Variants in TNIK observed in about 807,000 individuals in gnomAD.
The protein encoded by TNIK is TRAF2 and NCK-interacting protein kinase.
Under a neutral mutation model 191.3 loss-of-function variants are expected in TNIK, and 49 were observed. That is an observed-to-expected ratio of 0.26 (90% CI 0.20 to 0.32). TNIK has a LOEUF of 0.32. Ranked by LOEUF, TNIK falls within the 10% of genes least tolerant of loss-of-function variation. The pLI is 1.00. For synonymous variants in TNIK, 594 were observed against 600.9 expected (o/e 0.99, Z 0.17); for missense variants, 1,155 against 1,702.3 (o/e 0.68, Z 5.66).
chr3:171,232,410 G>A (rs1473108227), intron 2 of TNIK, among the ~76,000 whole-genome samples: 1 of 151,652 alleles, frequency 6.6e-6, no homozygotes, highest in Non-Finnish European at 1.5e-5. Context: ...CTTCTAAAAG[G>A]AGATAAAAGA....
chr3:171,071,195 C>A, intron 29 of TNIK, 28 bp downstream of exon 29: 1 of 1,545,208 alleles, frequency 6.5e-7, no homozygotes, highest in Admixed American at 2.1e-5. Flanking sequence ...TTAAAAAGCA[C>A]ATTTTAGATA....
chr3:171,125,283 AT>A (rs1728317125), intron 17 of TNIK, among the ~76,000 whole-genome samples: 2 of 152,352 alleles, frequency 1.3e-5, no homozygotes, highest in South Asian at 4.1e-4. Flanking sequence ...ATTTCTTGGA[AT>A]GAGTAATGAC....
chr3:171,243,096 G>C (rs1395689426), intron 2 of TNIK, among the ~76,000 whole-genome samples: 1 of 152,268 alleles, frequency 6.6e-6, no homozygotes, highest in East Asian at 1.9e-4. Context: ...ATGAAGAAGA[G>C]AAATAGAAAT....
chr3:171,455,169 G>A (rs1261975340), intron 1 of TNIK, among the ~76,000 whole-genome samples: 1 of 152,130 alleles, frequency 6.6e-6, no homozygotes, highest in Non-Finnish European at 1.5e-5. Flanking sequence ...AAGGAAAAAG[G>A]CAGCTAAGGT....
At chr3:171,250,043 G>A (rs1464236924) in intron 2 of TNIK, among the ~76,000 whole-genome samples, 1 of 152,192 alleles carries the variant, frequency 6.6e-6, no homozygotes, top group Non-Finnish European at 1.5e-5. Context: ...CAGCTGGTAA[G>A]GCCAAGCTCT....
intron 1 of TNIK, among the ~76,000 whole-genome samples, chr3:171,400,270 A>G (rs1720751829): frequency 1.3e-5 from 2 of 152,110 alleles, no homozygotes; most frequent in Non-Finnish European, 1.5e-5. Context: ...CCTCATAGAA[A>G]ATGCTAGATT....
Position 171,287,431 on chromosome 3 carries a change from C to A in TNIK, c.124-59210G>T, listed in dbSNP as rs370602590. On this transcript the variant is annotated intron_variant, in intron 2 of 32. Transcript: ENST00000436636. ...AATAAGAACATTTAAGAAGGTCACC[C>A]CAGCTGTGCACAACCTGAATCCAAC... is the stretch of plus-strand genomic sequence containing the variant. 7.2e-4 allele frequency among the ~76,000 whole-genome samples: 110 copies of A among 152,298 alleles called. 1 individual carries two copies. In the South Asian group the frequency reaches 0.021, roughly 29 times the overall value.
intron 1 of TNIK, among the ~76,000 whole-genome samples, chr3:171,389,288 C>T (rs1458111836): frequency 6.6e-6 from 1 of 152,184 alleles, no homozygotes; most frequent in East Asian, 1.9e-4. Context: ...TCCGTTGGTG[C>T]TGGCTAACAC....
intron 1 of TNIK, among the ~76,000 whole-genome samples, chr3:171,442,076 T>C (rs532435092): frequency 1.3e-5 from 2 of 152,296 alleles, no homozygotes; most frequent in South Asian, 4.1e-4. Flanking sequence ...AGGGGAGTTA[T>C]TAAGGAACCA....
chr3:171,315,426 C>A (rs937510171), intron 2 of TNIK, among the ~76,000 whole-genome samples: 1 of 152,164 alleles, frequency 6.6e-6, no homozygotes, highest in African/African-American at 2.4e-5. Flanking sequence ...CAAATTCAAT[C>A]ATTGACCCAC....
At chr3:171,359,035 TA>T (rs1175149131) in intron 2 of TNIK, among the ~76,000 whole-genome samples, 4 of 152,138 alleles carry the variant, frequency 2.6e-5, no homozygotes, top group Non-Finnish European at 5.9e-5. Context: ...TGGAGATGGG[TA>T]GTGGTGAAGG....
At chr3:171,301,659 A>G (rs1401050564) in intron 2 of TNIK, among the ~76,000 whole-genome samples, 1 of 152,230 alleles carries the variant, frequency 6.6e-6, no homozygotes, top group African/African-American at 2.4e-5. Flanking sequence ...TAGATAAGAC[A>G]TAAATGTAGG....
In TNIK at chr3:171,286,332, T is replaced by C. The variant is rs548214723; in HGVS notation, c.124-58111A>G. On this transcript the variant is annotated intron_variant, in intron 2 of 32. Transcript: ENST00000436636. ...CCTGACTCGTTACATGGAAATTCAA[T>C]AGGGAAGGATCTATTCAGGTATCTC... is the stretch of plus-strand genomic sequence containing the variant. Among the ~76,000 whole-genome samples the C allele has an allele frequency of 3.9e-5, 6 of 152,316 alleles. No individual in the cohort carries two copies. The South Asian group carries it at 6.2e-4, about 16-fold the overall frequency.
At position 171,098,314 on chromosome 3, in the gene TNIK, A is replaced by ATAAAG. The variant is rs1439416617; in HGVS notation, c.2591+3130_2591+3134dup. Among the ~76,000 whole-genome samples the ATAAAG allele has an allele frequency of 4.6e-5, 7 of 152,280 alleles. No individual in the cohort carries two copies. The South Asian group carries it at 8.3e-4, about 18-fold the overall frequency. On this transcript the variant is annotated intron_variant, in intron 22 of 32. Coordinates refer to ENST00000436636, the MANE Select transcript of TNIK (RefSeq NM_015028.4). ...TAAAGCTTTTATTTTTTTCCTGATT[A>ATAAAG]TAAAGTAGTACATGCCCATCATATA...
chr3:171,159,543 G>A lies in TNIK; in HGVS notation c.1016+1727C>T, dbSNP rs762020576. ...TGTGTCAAACTCTAAAACCCCAAAC[G>A]ATGGTGCTTATCTACACAGGCCACT... On this transcript the variant is annotated intron_variant, in intron 11 of 32. Coordinates refer to ENST00000436636, the MANE Select transcript of TNIK (RefSeq NM_015028.4). This position sits in a 1 kb window ranked among gnomAD's most constrained non-coding sequence, Gnocchi z 4.1. Among the ~76,000 whole-genome samples, 41 of 152,136 alleles carry A rather than the reference G, an allele frequency of 2.7e-4. No individual in the cohort carries two copies. Among genetic ancestry groups the A allele is most frequent in the Non-Finnish European group, 4.3e-4 (29 of 68,018 alleles).
intron 2 of TNIK, among the ~76,000 whole-genome samples, chr3:171,360,961 C>G (rs765329055): frequency 2.6e-5 from 4 of 152,168 alleles, no homozygotes; most frequent in Non-Finnish European, 5.9e-5. Flanking sequence ...TATCTATAAA[C>G]CATGCCCTGA....
intron 4 of TNIK, among the ~76,000 whole-genome samples, chr3:171,196,956 C>T (rs2108854485): frequency 6.6e-6 from 1 of 152,260 alleles, no homozygotes; most frequent in Non-Finnish European, 1.5e-5. Flanking sequence ...GGGGTTTCAC[C>T]ATGTTAGCCG....
intron 1 of TNIK, among the ~76,000 whole-genome samples, chr3:171,435,059 G>A (rs532628412): frequency 1.3e-5 from 2 of 152,152 alleles, no homozygotes; most frequent in Non-Finnish European, 2.9e-5. Context: ...GACCTGATAC[G>A]TTTATTCTGT....
intron 2 of TNIK, among the ~76,000 whole-genome samples, chr3:171,252,438 A>G (rs964349234): frequency 1.3e-5 from 2 of 152,242 alleles, no homozygotes; most frequent in African/African-American, 2.4e-5. Context: ...AACCACCCCA[A>G]AAACTCATAT....
Sources: allele counts gnomAD v4.1 joint callset (sites outside exome capture counted in the v4.1 genomes callset), GRCh38; gene constraint gnomAD v4.1.1; non-coding constraint Gnocchi (gnomAD v3.1); transcripts MANE v1.5; gene names NCBI Gene and HGNC (gene_info 2026-07-23, HGNC 2026-07-21).